Variants in CERK observed in about 807,000 individuals in gnomAD.
CERK encodes acylsphingosine kinase.
A neutral mutation model predicts 63.4 loss-of-function variants in CERK; 39 were observed. The ratio of observed to expected loss-of-function variants is 0.61; its 90% CI spans 0.48 to 0.80. CERK has a LOEUF of 0.80. Ranked by LOEUF, CERK falls within the 30% of genes least tolerant of loss-of-function variation. CERK has a pLI of 0.00. For missense variants in CERK, 670 were observed against 714.1 expected, an observed-to-expected ratio of 0.94 and a Z score of 0.70; for synonymous variants, 302 against 280.0, an observed-to-expected ratio of 1.08 and a Z score of -0.78.
chr22:46,727,100 C>T (rs1382560743), intron 1 of CERK, among the ~76,000 whole-genome samples: 7 of 152,158 alleles, frequency 4.6e-5, no homozygotes, highest in Non-Finnish European at 1.0e-4. Flanking sequence ...TGCTCTGCAA[C>T]CCAGTGAGGC....
intron 10 of CERK, among the ~76,000 whole-genome samples, chr22:46,692,426 T>TAAAAAAAAAAAAAAA (rs553286743): frequency 2.1e-5 from 2 of 93,114 alleles, no homozygotes; most frequent in African/African-American, 9.5e-5. Context: ...AACTCTGTCT[T>TAAAAAAAAAAAAAAA]AAAAAAAAAA....
At chr22:46,708,542 G>A (rs1012038347) in intron 5 of CERK, among the ~76,000 whole-genome samples, 1 of 152,250 alleles carries the variant, frequency 6.6e-6, no homozygotes, top group Non-Finnish European at 1.5e-5. Flanking sequence ...CCCAAGGCAA[G>A]AGCAGAGGGG....
rs2082692592 is a variant in CERK at position 46,685,062 on chromosome 22, A to G, written c.*2072T>C. The G allele has an allele frequency of 7.5e-6, 1 of 134,206 alleles. No homozygotes were observed. The highest frequency in any genetic ancestry group is 2.7e-5 in the African/African-American group (1 of 36,942). The allele number at this position is 134,206 out of a possible 1,614,324, so 8.3% of individuals were successfully genotyped here. A position where few individuals can be genotyped will look rare whatever the true frequency, so the allele number is the denominator to read the frequency against. ...TTTGGGGCAGGCCAGTGTATGGGAA[A>G]CTTTTTTTTTTGTTGGGGGGGGCGA... is the stretch of plus-strand genomic sequence containing the variant. On this transcript the variant is annotated 3_prime_UTR_variant, in exon 13 of 13. Transcript: ENST00000216264.
At chr22:46,728,744 G>C (rs1220442368) in intron 1 of CERK, among the ~76,000 whole-genome samples, 1 of 152,240 alleles carries the variant, frequency 6.6e-6, no homozygotes, top group Non-Finnish European at 1.5e-5. Flanking sequence ...GGCTGGAGAG[G>C]CCAGCGTGCA....
intron 1 of CERK, among the ~76,000 whole-genome samples, chr22:46,729,988 A>T (rs1485348974): frequency 6.6e-6 from 1 of 151,534 alleles, no homozygotes; most frequent in Non-Finnish European, 1.5e-5. Flanking sequence ...GCAGTGAGCC[A>T]AGATCGCACC....
At chr22:46,731,015 A>C (rs757046608) in intron 1 of CERK, among the ~76,000 whole-genome samples, 1 of 152,256 alleles carries the variant, frequency 6.6e-6, no homozygotes, top group Non-Finnish European at 1.5e-5. Context: ...GCCAACTAGC[A>C]GCTTAGACTT....
At chr22:46,730,676 A>T (rs369497479) in intron 1 of CERK, among the ~76,000 whole-genome samples, 1 of 152,038 alleles carries the variant, frequency 6.6e-6, no homozygotes, top group South Asian at 2.1e-4. Context: ...TGCTTTTCCT[A>T]CTCCTCCTAT....
chr22:46,712,695 C>T (rs950709848), intron 3 of CERK, among the ~76,000 whole-genome samples: 7 of 152,056 alleles, frequency 4.6e-5, no homozygotes, highest in Non-Finnish European at 8.8e-5. Context: ...TTAGGAAAAG[C>T]GGACCAGCAG....
rs777482757 is a variant in CERK at position 46,720,952 on chromosome 22, T to C, written c.206A>G (p.His69Arg). ...TTTCTGCCATTTTCCACTGCCTTGATGTTTCCCGTGAACGTCTGTTTCCTC... is the reference window on the plus strand; with the variant it reads ...TTTCTGCCATTTTCCACTGCCTTGACGTTTCCCGTGAACGTCTGTTTCCTC... ...AVEETDVHGK[H>R]QGSGKWQKME... The change falls in exon 2 of 13, where the codon CAT becomes CGT. Residue 69 changes from histidine to arginine, a missense_variant. Transcript: ENST00000216264. 7 of 1,613,766 alleles carry C rather than the reference T, an allele frequency of 4.3e-6. No homozygotes were observed. Among genetic ancestry groups the C allele is most frequent in the Non-Finnish European group, 5.9e-6 (7 of 1,179,734 alleles).
intron 1 of CERK, among the ~76,000 whole-genome samples, chr22:46,730,039 A>AAAAC (rs150531711): frequency 0.45 from 68,212 of 150,194 alleles, 17,861 homozygotes; most frequent in Non-Finnish European, 0.58. Flanking sequence ...ACTCCATCTC[A>AAAAC]AAACAAACAA....
At chr22:46,716,686 C>A (rs1364181543) in intron 3 of CERK, among the ~76,000 whole-genome samples, 1 of 151,766 alleles carries the variant, frequency 6.6e-6, no homozygotes, top group African/African-American at 2.4e-5. Context: ...TGCCTATAAT[C>A]CCAGCACTTT....
At position 46,738,230 on chromosome 22, in the gene CERK, C is replaced by CCCGGCGG. The variant is rs2082986215; in HGVS notation, c.-83_-82insCCGCCGG. 9 of 513,468 alleles carry CCCGGCGG rather than the reference C, an allele frequency of 1.8e-5. No homozygotes were observed. Among genetic ancestry groups the CCCGGCGG allele is most frequent in the Admixed American group, 9.1e-5 (1 of 11,028 alleles). The allele number at this position is 513,468 out of a possible 1,614,324, so 31.8% of individuals were successfully genotyped here. On this transcript the variant is annotated 5_prime_UTR_variant, in exon 1 of 13. Transcript: ENST00000216264. ...GACCGTTAGCGGCCCCTGCAGTGGC[C>CCCGGCGG]CGGGCGGCGGGCGGCGGGCGGCGGG... is the stretch of plus-strand genomic sequence containing the variant.
At position 46,701,663 on chromosome 22, in the gene CERK, C is replaced by G; in HGVS notation, c.763G>C (p.Glu255Gln). 1 of 1,559,486 alleles carries G rather than the reference C, an allele frequency of 6.4e-7. No homozygotes were observed. The highest frequency in any genetic ancestry group is 8.7e-7 in the Non-Finnish European group (1 of 1,151,544). Reference protein sequence around the residue: ...CYSTVGTSDAETSALHIVVGD... With the variant: ...CYSTVGTSDAQTSALHIVVGD... Reference sequence around the variant, plus strand: ...ACAACGATATGCAGCGCCGAGGTTTCTGCGTCGCTGGTGCCCACGGTGGAG... The same window carrying G: ...ACAACGATATGCAGCGCCGAGGTTTGTGCGTCGCTGGTGCCCACGGTGGAG... Residue 255 changes from glutamate to glutamine, a missense_variant, in exon 7 of 13, where the codon GAA (glutamate) becomes CAA (glutamine). Glu to Gln is a conservative substitution (Grantham distance 29). Transcript: ENST00000216264.
intron 4 of CERK, among the ~76,000 whole-genome samples, chr22:46,711,477 G>T (rs2082840688): frequency 6.6e-6 from 1 of 152,104 alleles, no homozygotes. Context: ...TTCCAAAATT[G>T]TACACTATAC....
chr22:46,734,324 A>T (rs2082961521), intron 1 of CERK, among the ~76,000 whole-genome samples: 1 of 151,904 alleles, frequency 6.6e-6, no homozygotes, highest in Non-Finnish European at 1.5e-5. Context: ...AAACAAAATG[A>T]GATAAAGCAG....
Position 46,695,166 on chromosome 22 carries a change from T to A in CERK, c.1049+44A>T, listed in dbSNP as rs766687294. The A allele has an allele frequency of 5.9e-6, 6 of 1,018,668 alleles. No homozygotes were observed. The South Asian group carries it at 7.1e-5, about 12-fold the overall frequency. 63.1% of individuals were successfully genotyped at this position (1,018,668 alleles called of 1,614,324 possible). ...TCACCTTCCTAACCGTCCTGCTTCA[T>A]TTCCCGTCATTTGCAAGAGAAACAC... On this transcript the variant is annotated intron_variant, in intron 9 of 12. Transcript: ENST00000216264.
At chr22:46,688,364 C>A (rs909065201) in intron 12 of CERK, among the ~76,000 whole-genome samples, 15 of 152,234 alleles carry the variant, frequency 9.9e-5, no homozygotes, top group African/African-American at 3.4e-4. Flanking sequence ...TATTCTATTT[C>A]TTTAATAAAT....
intron 7 of CERK, 37 bp from the exon 8 acceptor site, chr22:46,699,502 C>G (rs568051010): frequency 3.9e-5 from 62 of 1,609,550 alleles, no homozygotes; most frequent in African/African-American, 1.2e-4. Flanking sequence ...AGGCAGCCCC[C>G]CTCCAGCCCC....
At chr22:46,688,156 C>G (rs997150106) in intron 12 of CERK, among the ~76,000 whole-genome samples, 3 of 152,048 alleles carry the variant, frequency 2.0e-5, no homozygotes, top group Non-Finnish European at 2.9e-5. Context: ...CCATTGCACT[C>G]CAGCCTGGGC....
Sources: gnomAD v4.1 joint callset for allele counts (sites outside exome capture counted in the v4.1 genomes callset) on GRCh38, gnomAD v4.1.1 for gene constraint, MANE v1.5 for transcripts, NCBI Gene and HGNC (gene_info 2026-07-23, HGNC 2026-07-21) for gene names.